The following LIMCH1 variants were observed in gnomAD, a reference collection of about 807,000 sequenced individuals.
LIMCH1 encodes LIM and calponin homology domains 1.
In LIMCH1, 113 loss-of-function variants were observed where a neutral mutation model predicts 176.5. That is an observed-to-expected ratio of 0.64 (90% CI 0.55 to 0.75). The LOEUF (loss-of-function observed/expected upper bound fraction) is 0.75, where lower values mean the gene tolerates loss of function less well. LIMCH1 is among the 30% of genes least tolerant of loss of function. LIMCH1 has a pLI of 0.00. For synonymous variants in LIMCH1, 619 were observed against 645.9 expected (o/e 0.96, Z 0.63); for missense variants, 1,674 against 1,814.9 (o/e 0.92, Z 1.41).
chr4:41,446,441 T>A (rs1031892054), intron 1 of LIMCH1, among the ~76,000 whole-genome samples: 2 of 152,218 alleles, frequency 1.3e-5, no homozygotes, highest in Non-Finnish European at 2.9e-5. Context: ...ACGTAGTTAA[T>A]GGAACCATAA....
At chr4:41,566,685 CATT>C (rs2082817576) in intron 1 of LIMCH1, among the ~76,000 whole-genome samples, 1 of 152,082 alleles carries the variant, frequency 6.6e-6, no homozygotes, top group Non-Finnish European at 1.5e-5. Context: ...TACACAAAAT[CATT>C]ATACAAAAAT....
intron 1 of LIMCH1, among the ~76,000 whole-genome samples, chr4:41,384,278 C>T (rs1003094387): frequency 1.3e-5 from 2 of 151,678 alleles, no homozygotes; most frequent in Admixed American, 1.3e-4. Context: ...GATCTCGGCT[C>T]ACTACAAGCT....
rs369689202 is a variant in LIMCH1, at chr4:41,697,174, A to C, written c.4393A>C (p.Thr1465Pro). Residue 1465 changes from threonine to proline, a missense_variant, in exon 32 of 32, where the codon ACA (threonine) becomes CCA (proline). Thr to Pro is a conservative substitution (Grantham distance 38). Around this residue, in one of 3 missense-constraint regions of LIMCH1, gnomAD observed 1,015 missense variants for 1,102.5 expected, o/e 0.92. Transcript: ENST00000503057. Reference protein sequence around the residue: ...YMRSRSAGQPTTL With the variant: ...YMRSRSAGQPPTL The stretch of plus-strand genomic sequence containing the variant: ...TTTAATCACAGGTGCCGGGCAGCCT[A>C]CAACATTGTGACACGGCTTTCAAGC... The C allele has an allele frequency of 1.9e-6, 3 of 1,613,682 alleles. No individual in the cohort carries two copies. The highest frequency in any genetic ancestry group is 2.5e-6 in the Non-Finnish European group (3 of 1,179,678).
Position 41,360,963 on chromosome 4 carries a change from C to A in LIMCH1, c.96+27C>A. 5 of 1,524,156 alleles carry A rather than the reference C, an allele frequency of 3.3e-6. No homozygotes were observed. Among genetic ancestry groups the A allele is most frequent in the Non-Finnish European group, 4.4e-6 (5 of 1,128,368 alleles). The allele number at this position is 1,524,156 out of a possible 1,614,324, so 94.4% of individuals were successfully genotyped here. A position where few individuals can be genotyped will look rare whatever the true frequency, so the allele number is the denominator to read the frequency against. On this transcript the variant is annotated intron_variant, in intron 1 of 26. Transcript: ENST00000313860. This position sits in a 1 kb window ranked among gnomAD's most constrained non-coding sequence, Gnocchi z 4.5. ...TAGGTGCGGGTGGCTGGCGGGCGGC[C>A]TTGCACTGGCGCCCTGAGCCACGGA...
chr4:41,479,223 C>T (rs2068184954), intron 1 of LIMCH1, among the ~76,000 whole-genome samples: 1 of 152,098 alleles, frequency 6.6e-6, no homozygotes, highest in Non-Finnish European at 1.5e-5. Context: ...AGTGCAAGAC[C>T]ATTCCTTTAT....
chr4:41,361,207 C>T (rs1297481012), intron 1 of LIMCH1, among the ~76,000 whole-genome samples: 1 of 152,240 alleles, frequency 6.6e-6, no homozygotes, highest in African/African-American at 2.4e-5. Context: ...TCCATCCTTC[C>T]TGCCCGCTGG....
At chr4:41,547,368 G>C (rs543814527) in intron 1 of LIMCH1, among the ~76,000 whole-genome samples, 1 of 152,006 alleles carries the variant, frequency 6.6e-6, no homozygotes, top group South Asian at 2.1e-4. Context: ...ACCTCTATGA[G>C]TTTGGCTTTT....
At chr4:41,421,946 G>T (rs190303127) in intron 1 of LIMCH1, among the ~76,000 whole-genome samples, 1 of 152,118 alleles carries the variant, frequency 6.6e-6, no homozygotes, top group African/African-American at 2.4e-5. Context: ...AGCCAGGTGT[G>T]GTGGCATGCA....
chr4:41,545,563 C>T (rs530986033), intron 1 of LIMCH1, among the ~76,000 whole-genome samples: 10 of 152,130 alleles, frequency 6.6e-5, no homozygotes, highest in Non-Finnish European at 1.2e-4. Context: ...ATGTTGACCT[C>T]GACAACGACT....
chr4:41,444,341 CACACACACACACAT>C (rs956680468), intron 1 of LIMCH1, among the ~76,000 whole-genome samples: 6 of 142,752 alleles, frequency 4.2e-5, no homozygotes, highest in African/African-American at 1.8e-4. Flanking sequence ...CACACACACA[CACACACACACACAT>C]ATATAGAGTG....
intron 21 of LIMCH1, among the ~76,000 whole-genome samples, chr4:41,667,215 T>C (rs2094858162): frequency 6.6e-6 from 1 of 152,206 alleles, no homozygotes; most frequent in African/African-American, 2.4e-5. Context: ...TTAATTCTAG[T>C]CTTCATAAAT....
chr4:41,374,939 G>T (rs1422697099), intron 1 of LIMCH1, among the ~76,000 whole-genome samples: 1 of 152,104 alleles, frequency 6.6e-6, no homozygotes, highest in African/African-American at 2.4e-5. Context: ...TGATCACCAG[G>T]GAAATAGATG....
chr4:41,656,550 C>CA (rs899888558), intron 18 of LIMCH1, among the ~76,000 whole-genome samples: 2 of 151,348 alleles, frequency 1.3e-5, no homozygotes, highest in South Asian at 2.1e-4. Flanking sequence ...AAGTTTAGTA[C>CA]AAAAAAAAGT....
intron 1 of LIMCH1, among the ~76,000 whole-genome samples, chr4:41,390,843 T>G (rs1434987938): frequency 6.6e-6 from 1 of 152,196 alleles, no homozygotes; most frequent in East Asian, 1.9e-4. Flanking sequence ...TGGTTAGCCC[T>G]CTGTGCCAAG....
chr4:41,624,362 G>A (rs2092795453), intron 7 of LIMCH1, among the ~76,000 whole-genome samples: 1 of 152,014 alleles, frequency 6.6e-6, no homozygotes, highest in Non-Finnish European at 1.5e-5. Context: ...ATCTTTAGAG[G>A]AAGAGCAGAT....
Position 41,684,409 on chromosome 4 carries a change from G to T in LIMCH1, c.3858G>T (p.Gly1286=). 6.2e-7 allele frequency: 1 copy of T among 1,613,446 alleles called. No individual in the cohort carries two copies. Among genetic ancestry groups the T allele is most frequent in the East Asian group, 2.2e-5 (1 of 44,842 alleles). Residue 1286 remains glycine, a synonymous_variant, in exon 27 of 32, where the codon GGG becomes GGT. Coordinates refer to ENST00000503057, the MANE Select transcript of LIMCH1 (RefSeq NM_001330672.2). ...TTTATTTTAACAGCCTAACTGAAGG[G>T]GCCTTGGCTCATTCTGGGAACCCTG... The part of the protein sequence containing the change: ...RLEEKGSLTE[G]ALAHSGNPVS...
chr4:41,569,689 A>G (rs2152590335), intron 1 of LIMCH1, among the ~76,000 whole-genome samples: 1 of 152,252 alleles, frequency 6.6e-6, no homozygotes, highest in Non-Finnish European at 1.5e-5. Context: ...CTGGAGATGC[A>G]TTGTCAAAGT....
At chr4:41,461,279 A>G (rs2065332268) in intron 1 of LIMCH1, among the ~76,000 whole-genome samples, 1 of 152,204 alleles carries the variant, frequency 6.6e-6, no homozygotes, top group African/African-American at 2.4e-5. Flanking sequence ...GTCTGGCTGC[A>G]GAATCCATGC....
At chr4:41,459,086 A>G (rs1434327972) in intron 1 of LIMCH1, among the ~76,000 whole-genome samples, 1 of 152,204 alleles carries the variant, frequency 6.6e-6, no homozygotes, top group Admixed American at 6.5e-5. Context: ...TTGGCACTGT[A>G]CAAGTTATGA....
Sources: allele counts gnomAD v4.1 joint callset (sites outside exome capture counted in the v4.1 genomes callset), GRCh38; gene constraint gnomAD v4.1.1; regional missense constraint gnomAD v4.1.1; non-coding constraint Gnocchi (gnomAD v3.1); transcripts MANE v1.5; gene names NCBI Gene and HGNC (gene_info 2026-07-23, HGNC 2026-07-21).